STOX2: variants seen among roughly 807,000 people sequenced by gnomAD.
The protein encoded by STOX2 is storkhead box 2.
In STOX2, 28 loss-of-function variants were observed where a neutral mutation model predicts 60.9. That is an observed-to-expected ratio of 0.46 (90% CI 0.34 to 0.63). The LOEUF is 0.63. Among genes scored for constraint, STOX2 ranks in the 30% least tolerant of loss-of-function variants. The probability of loss-of-function intolerance (pLI) is 0.01; values close to 1 mark genes in which losing one functional copy is unlikely to be tolerated. For synonymous variants in STOX2, 472 were observed against 463.9 expected (o/e 1.02, Z -0.22); for missense variants, 1,024 against 1,187.7 (o/e 0.86, Z 2.03).
intron 1 of STOX2, among the ~76,000 whole-genome samples, chr4:183,970,177 T>TGGGG (rs1560911379): frequency 4.3e-5 from 6 of 140,030 alleles, no homozygotes; most frequent in Admixed American, 1.5e-4. Flanking sequence ...TGTGTGTGTG[T>TGGGG]GTGTGGGGTT....
intron 1 of STOX2, among the ~76,000 whole-genome samples, chr4:183,996,522 T>C (rs1267141293): frequency 6.6e-6 from 1 of 152,206 alleles, no homozygotes; most frequent in South Asian, 2.1e-4. Context: ...TTTGAATAAA[T>C]AAATGTGGTC....
chr4:183,956,956 AAG>A (rs1186658637), intron 1 of STOX2, among the ~76,000 whole-genome samples: 5 of 130,020 alleles, frequency 3.8e-5, no homozygotes, highest in African/African-American at 1.5e-4. Context: ...AATACTGTGT[AAG>A]TTGTGTGGTG....
intron 1 of STOX2, among the ~76,000 whole-genome samples, chr4:183,851,388 G>A (rs1264393662): frequency 2.8e-5 from 2 of 70,706 alleles, no homozygotes; most frequent in African/African-American, 5.8e-5. Context: ...AAACGATGAG[G>A]GAAAGGATGA....
At chr4:183,951,120 G>T (rs979287432) in intron 1 of STOX2, among the ~76,000 whole-genome samples, 1 of 150,802 alleles carries the variant, frequency 6.6e-6, no homozygotes, top group African/African-American at 2.4e-5. Context: ...GGAGGCTGAG[G>T]CAGGAGAATG....
intron 1 of STOX2, among the ~76,000 whole-genome samples, chr4:183,970,371 C>G (rs1743708498): frequency 6.6e-6 from 1 of 152,098 alleles, no homozygotes; most frequent in Admixed American, 6.5e-5. Flanking sequence ...ATTGCCCAGC[C>G]ACAAGCTGGA....
chr4:183,979,902 A>G (rs1218633156), intron 1 of STOX2, among the ~76,000 whole-genome samples: 2 of 152,210 alleles, frequency 1.3e-5, no homozygotes, highest in African/African-American at 2.4e-5. Context: ...AGGCCCGGTC[A>G]TGCCGAGTTC....
intron 1 of STOX2, among the ~76,000 whole-genome samples, chr4:183,889,266 T>C (rs1741153725): frequency 6.6e-6 from 1 of 152,018 alleles, no homozygotes; most frequent in South Asian, 2.1e-4. Flanking sequence ...TCATCCAGCA[T>C]GACTGGTGTC....
chr4:183,817,308 A>C (rs1017904595), intron 1 of STOX2, among the ~76,000 whole-genome samples: 4 of 152,228 alleles, frequency 2.6e-5, no homozygotes, highest in Admixed American at 1.3e-4. Context: ...ACTGGGTTCA[A>C]AAGAACGTGC....
Position 184,011,725 on chromosome 4 carries a change from A to C in STOX2, c.2585+302A>C. ...TTTTTTCTGCTACGTTCATATTGCC[A>C]CCCATGCTAAGAGAAGGATGTTTTT... On this transcript the variant is annotated intron_variant, in intron 3 of 3. Transcript: ENST00000308497. This position sits in a 1 kb window ranked among gnomAD's most constrained non-coding sequence, Gnocchi z 4.4. 1 of 964,018 alleles carries C rather than the reference A, an allele frequency of 1.0e-6. No individual in the cohort carries two copies. Among genetic ancestry groups the C allele is most frequent in the Non-Finnish European group, 1.4e-6 (1 of 714,522 alleles). The allele number at this position is 964,018 out of a possible 1,614,324, so 59.7% of individuals were successfully genotyped here. A position where few individuals can be genotyped will look rare whatever the true frequency, so the allele number is the denominator to read the frequency against.
chr4:183,834,487 G>A (rs536295476), intron 1 of STOX2, among the ~76,000 whole-genome samples: 26 of 152,114 alleles, frequency 1.7e-4, no homozygotes, highest in African/African-American at 4.8e-4. Flanking sequence ...TGGGAGAGGT[G>A]CGGAGTTGGA....
intron 1 of STOX2, among the ~76,000 whole-genome samples, chr4:183,888,824 G>A (rs1033969032): frequency 3.9e-5 from 6 of 152,054 alleles, no homozygotes; most frequent in African/African-American, 1.4e-4. Flanking sequence ...TTTGGATGGT[G>A]CTCAAACCCG....
chr4:183,892,529 C>T (rs1008104007), intron 1 of STOX2, among the ~76,000 whole-genome samples: 2 of 152,204 alleles, frequency 1.3e-5, no homozygotes, highest in African/African-American at 4.8e-5. Context: ...ATCCGCCCGC[C>T]TCGGCTTCCC....
At chr4:183,994,840 C>T (rs1487889441) in intron 1 of STOX2, among the ~76,000 whole-genome samples, 1 of 151,916 alleles carries the variant, frequency 6.6e-6, no homozygotes, top group Non-Finnish European at 1.5e-5. Context: ...AAAGATAACT[C>T]TTCAACCCAG....
At chr4:183,815,849 G>A (rs1447562513) in intron 1 of STOX2, among the ~76,000 whole-genome samples, 2 of 152,208 alleles carry the variant, frequency 1.3e-5, no homozygotes, top group African/African-American at 4.8e-5. Context: ...TTTCAGGAAG[G>A]CAGAGGAAAA....
Position 184,011,358 on chromosome 4 carries a change from TTCA to T in STOX2, c.2521_2523del (p.Ser841del), listed in dbSNP as rs1192636553. 8.7e-6 allele frequency: 14 copies of T among 1,613,852 alleles called. No individual in the cohort carries two copies. The highest frequency in any genetic ancestry group is 1.3e-5 in the African/African-American group (1 of 74,920). The stretch of plus-strand genomic sequence containing the variant: ...GCAGCAGCAACCAGAGAGCCACCCA[TTCA>T]GCCCGGCTCGACAGCATGGACAGCA... On this transcript the variant is annotated inframe_deletion, in exon 3 of 4. Transcript: ENST00000308497. This position sits in a 1 kb window ranked among gnomAD's most constrained non-coding sequence, Gnocchi z 4.4.
rs375919276 is a variant in STOX2 at position 184,010,869 on chromosome 4, C to G, written c.2031C>G (p.Asn677Lys). The stretch of plus-strand genomic sequence containing the variant: ...GAGGAGTGGCTGAAGGGATCGCCAA[C>G]GGACGCCTCGTCCAGCACCATGGTG... ...ASGGVAEGIA[N>K]GRLVQHHGAE... Residue 677 changes from asparagine (N) to lysine (K), a missense_variant, in exon 3 of 4, where the codon AAC becomes AAG. Asn to Lys is a moderately conservative substitution (Grantham distance 94, BLOSUM62 0). Transcript: ENST00000308497. This position sits in a 1 kb window ranked among gnomAD's most constrained non-coding sequence, Gnocchi z 4.5. 1.2e-6 allele frequency: 2 copies of G among 1,609,306 alleles called. No homozygotes were observed. Among genetic ancestry groups the G allele is most frequent in the African/African-American group, 2.7e-5 (2 of 74,866 alleles).
At chr4:183,935,101 A>T (rs966276135) in intron 1 of STOX2, among the ~76,000 whole-genome samples, 3 of 152,246 alleles carry the variant, frequency 2.0e-5, no homozygotes, top group African/African-American at 7.2e-5. Context: ...CCGGGGAAAC[A>T]GTTTGGTGTT....
chr4:183,873,117 T>C (rs567503185), intron 1 of STOX2, among the ~76,000 whole-genome samples: 6 of 152,316 alleles, frequency 3.9e-5, no homozygotes, highest in Non-Finnish European at 1.5e-5. Flanking sequence ...TGTTCAGATC[T>C]GTCTATAAGC....
In STOX2 at chr4:184,010,479, G is replaced by A. The variant is rs772638081; in HGVS notation, c.1641G>A (p.Ser547=). Residue 547 remains serine (S), a synonymous_variant, in exon 3 of 4, where the codon TCG becomes TCA. Coordinates refer to ENST00000308497, the MANE Select transcript of STOX2 (RefSeq NM_020225.3). This position sits in a 1 kb window ranked among gnomAD's most constrained non-coding sequence, Gnocchi z 4.5. The part of the protein sequence containing the change: ...QTVSLQRAHI[S]STSYKEVCIP... Reference sequence around the variant, plus strand: ...TTAGTCTCCAAAGGGCTCACATTTCGTCCACAAGCTATAAAGAGGTGTGTA... The same window carrying A: ...TTAGTCTCCAAAGGGCTCACATTTCATCCACAAGCTATAAAGAGGTGTGTA... 1.7e-5 allele frequency: 28 copies of A among 1,613,754 alleles called. No homozygotes were observed. The highest frequency in any genetic ancestry group is 2.2e-5 in the South Asian group (2 of 90,996).
Sources: gnomAD v4.1 joint callset for allele counts (sites outside exome capture counted in the v4.1 genomes callset) on GRCh38, gnomAD v4.1.1 for gene constraint, Gnocchi (gnomAD v3.1) non-coding constraint, MANE v1.5 for transcripts, NCBI Gene and HGNC (gene_info 2026-07-23, HGNC 2026-07-21) for gene names.